The following NRP1 variants were observed in gnomAD, a reference collection of about 807,000 sequenced individuals.
NRP1 encodes neuropilin 1, also known as neuropilin-1.
NRP1 carries 35 observed loss-of-function variants against 106.7 expected under a neutral mutation model. The ratio of observed to expected loss-of-function variants is 0.33; its 90% CI spans 0.25 to 0.43. The LOEUF is 0.43. NRP1 is among the 20% of genes least tolerant of loss of function. NRP1 has a pLI of 1.00. For missense variants in NRP1, 1,024 were observed against 1,170.4 expected (o/e 0.87, Z 1.83); for synonymous variants, 437 against 417.9 (o/e 1.05, Z -0.56).
intron 2 of NRP1, among the ~76,000 whole-genome samples, chr10:33,275,332 G>A (rs1403871557): frequency 6.6e-6 from 1 of 152,180 alleles, no homozygotes; most frequent in African/African-American, 2.4e-5. Flanking sequence ...ACTTTAGAAG[G>A]CGGAGGTGGG....
intron 2 of NRP1, among the ~76,000 whole-genome samples, chr10:33,300,290 G>T (rs1385658600): frequency 6.6e-6 from 1 of 152,178 alleles, no homozygotes; most frequent in African/African-American, 2.4e-5. Context: ...CTTCAAGAGT[G>T]TCCACCTGGA....
intron 2 of NRP1, among the ~76,000 whole-genome samples, chr10:33,322,709 A>G (rs1000049792): frequency 3.9e-5 from 6 of 152,224 alleles, no homozygotes; most frequent in African/African-American, 1.4e-4. Flanking sequence ...AAAACCACCA[A>G]TTGGTTGAAA....
At chr10:33,226,514 C>A (rs1839685153) in intron 6 of NRP1, among the ~76,000 whole-genome samples, 1 of 152,144 alleles carries the variant, frequency 6.6e-6, no homozygotes, top group Admixed American at 6.6e-5. Flanking sequence ...GTCCCCTGAC[C>A]ATCTAAATGG....
chr10:33,259,756 T>A (rs1842449738), intron 4 of NRP1, among the ~76,000 whole-genome samples: 1 of 152,236 alleles, frequency 6.6e-6, no homozygotes, highest in South Asian at 2.1e-4. Context: ...ATCTCTCCAA[T>A]AATTGTAACC....
intron 1 of NRP1, among the ~76,000 whole-genome samples, 169 bp downstream of exon 1, chr10:33,334,141 T>TA (rs1848464723): frequency 6.6e-6 from 1 of 152,226 alleles, no homozygotes; most frequent in Admixed American, 6.5e-5. Context: ...CCTCCTGCTC[T>TA]AAACCGCCTG....
rs117456516 is a variant in NRP1, at chr10:33,302,347, C to T, written c.248+28361G>A. On this transcript the variant is annotated intron_variant, in intron 2 of 16. Coordinates refer to ENST00000374867, the MANE Select transcript of NRP1 (RefSeq NM_003873.7). ...CATCCTGGTCTCATCCTGTTTGGCC[C>T]CTTTGCGTAAAAGCTAAGGATGGCT... 8.1e-4 allele frequency among the ~76,000 whole-genome samples: 123 copies of T among 152,322 alleles called. 1 individual carries two copies. Among genetic ancestry groups the T allele is most frequent in the Non-Finnish European group, 1.4e-3 (94 of 68,032 alleles).
chr10:33,182,630 G>T, intron 16 of NRP1, 68 bp downstream of exon 16: 1 of 1,113,888 alleles, frequency 9.0e-7, no homozygotes, highest in Non-Finnish European at 1.4e-6. Flanking sequence ...GTTCCACAAA[G>T]TTTCTTCATA....
intron 6 of NRP1, among the ~76,000 whole-genome samples, chr10:33,246,616 C>T (rs117471477): frequency 0.012 from 1,499 of 128,960 alleles, 10 homozygotes; most frequent in Middle Eastern, 0.042. Flanking sequence ...ACACAGAGCA[C>T]ACCTGGGGAA....
intron 8 of NRP1, among the ~76,000 whole-genome samples, chr10:33,215,134 T>C (rs1338353195): frequency 1.3e-5 from 2 of 152,212 alleles, no homozygotes; most frequent in South Asian, 2.1e-4. Flanking sequence ...TTTGACTTCA[T>C]CCCATTTGCC....
intron 10 of NRP1, among the ~76,000 whole-genome samples, chr10:33,207,312 C>CTTT (rs61760422): frequency 8.6e-5 from 13 of 150,992 alleles, no homozygotes; most frequent in African/African-American, 2.7e-4. Context: ...TATAAATTAT[C>CTTT]TTTTTTTTTA....
chr10:33,272,876 C>A (rs1366970844), intron 2 of NRP1, among the ~76,000 whole-genome samples: 1 of 151,984 alleles, frequency 6.6e-6, no homozygotes, highest in Non-Finnish European at 1.5e-5. Flanking sequence ...CTTCCAAGCA[C>A]AAATAAGAGA....
chr10:33,314,759 T>C (rs1402339411), intron 2 of NRP1, among the ~76,000 whole-genome samples: 2 of 152,160 alleles, frequency 1.3e-5, no homozygotes, highest in African/African-American at 4.8e-5. Context: ...TTCCTCCAAG[T>C]AGCATCTTTG....
chr10:33,209,637 T>C (rs1838120437), intron 9 of NRP1, among the ~76,000 whole-genome samples: 1 of 152,024 alleles, frequency 6.6e-6, no homozygotes, highest in African/African-American at 2.4e-5. Flanking sequence ...CCAACATGCC[T>C]GGCTGATTTT....
At chr10:33,228,475 A>G (rs2132962093) in intron 6 of NRP1, among the ~76,000 whole-genome samples, 2 of 152,312 alleles carry the variant, frequency 1.3e-5, no homozygotes, top group South Asian at 4.1e-4. Flanking sequence ...TTACAACTCA[A>G]TTTTCAGAAT....
chr10:33,213,163 A>G, intron 9 of NRP1: 1 of 1,266,252 alleles, frequency 7.9e-7, no homozygotes, highest in Non-Finnish European at 1.1e-6. Flanking sequence ...ACAGCCAGGG[A>G]ATGGGACCAG....
At chr10:33,309,455 G>A (rs1478789329) in intron 2 of NRP1, among the ~76,000 whole-genome samples, 1 of 152,188 alleles carries the variant, frequency 6.6e-6, no homozygotes, top group Non-Finnish European at 1.5e-5. Context: ...CTCTTCATAT[G>A]CATTCAATGC....
intron 12 of NRP1, chr10:33,195,279 G>A (rs1308701818): frequency 1.5e-5 from 5 of 336,384 alleles, no homozygotes; most frequent in South Asian, 7.5e-5. Flanking sequence ...AATATACTCC[G>A]AACTGCTGCA....
chr10:33,291,374 A>T (rs1487206225), intron 2 of NRP1, among the ~76,000 whole-genome samples: 1 of 152,258 alleles, frequency 6.6e-6, no homozygotes, highest in Non-Finnish European at 1.5e-5. Context: ...TTGCATTTGA[A>T]TTAAACTAGA....
chr10:33,216,793 C>G (rs972234962), intron 8 of NRP1, among the ~76,000 whole-genome samples: 2 of 152,070 alleles, frequency 1.3e-5, no homozygotes, highest in African/African-American at 2.4e-5. Flanking sequence ...TTTCTGCCTC[C>G]CCAGATTTTA....
Sources: allele counts gnomAD v4.1 joint callset (sites outside exome capture counted in the v4.1 genomes callset), GRCh38; gene constraint gnomAD v4.1.1; transcripts MANE v1.5; gene names NCBI Gene and HGNC (gene_info 2026-07-23, HGNC 2026-07-21).